Variants in HTT observed in about 807,000 individuals in gnomAD.
The protein encoded by HTT is huntingtin, also known as huntington disease protein.
Under a neutral mutation model 362.3 loss-of-function variants are expected in HTT, and 104 were observed. The ratio of observed to expected loss-of-function variants is 0.29; its 90% CI spans 0.24 to 0.34. The LOEUF (loss-of-function observed/expected upper bound fraction) is 0.34. HTT is among the 10% of genes least tolerant of loss of function. HTT has a pLI of 1.00. For missense variants in HTT, 3,301 were observed against 3,928.6 expected, an observed-to-expected ratio of 0.84 and a Z score of 4.27; for synonymous variants, 1,577 against 1,548.7, an observed-to-expected ratio of 1.02 and a Z score of -0.43.
intron 6 of HTT, among the ~76,000 whole-genome samples, chr4:3,108,440 C>T (rs546062697): frequency 6.6e-6 from 1 of 152,188 alleles, no homozygotes; most frequent in Admixed American, 6.5e-5. Context: ...ATTACCATCT[C>T]TTTGGAATGG....
At position 3,206,713 on chromosome 4, in the gene HTT, T is replaced by C. The variant is rs758470449; in HGVS notation, c.5898+38T>C. On this transcript the variant is annotated intron_variant, in intron 43 of 66. Transcript: ENST00000355072. This position sits in a 1 kb window ranked among gnomAD's most constrained non-coding sequence, Gnocchi z 4.6. Reference sequence around the variant, plus strand: ...CCTGCCGACTATTGCCAGTTGCAGTTTTCCCTGCCTTAAAAATGGAGTATT... The same window carrying C: ...CCTGCCGACTATTGCCAGTTGCAGTCTTCCCTGCCTTAAAAATGGAGTATT... The C allele has an allele frequency of 5.6e-6, 9 of 1,595,562 alleles. No homozygotes were observed.
intron 5 of HTT, among the ~76,000 whole-genome samples, chr4:3,106,463 G>A (rs143915334): frequency 6.6e-6 from 1 of 152,278 alleles, no homozygotes; most frequent in African/African-American, 2.4e-5. Flanking sequence ...AAAAAAATGT[G>A]TTATATTTCT....
intron 6 of HTT, among the ~76,000 whole-genome samples, chr4:3,111,606 C>T (rs758152003): frequency 6.6e-6 from 1 of 152,160 alleles, no homozygotes; most frequent in African/African-American, 2.4e-5. Flanking sequence ...TATCCTGCAA[C>T]CGGGGACTGG....
intron 59 of HTT, 116 bp from the exon 60 acceptor site, chr4:3,229,771 C>A: frequency 8.9e-7 from 1 of 1,123,612 alleles, no homozygotes; most frequent in African/African-American, 1.5e-5. Flanking sequence ...GCGTCCCGCA[C>A]AGTAATGTCT....
At chr4:3,175,900 G>A (rs140427757) in intron 33 of HTT, among the ~76,000 whole-genome samples, 1 of 152,190 alleles carries the variant, frequency 6.6e-6, no homozygotes, top group East Asian at 1.9e-4. Context: ...TGTTAATCCT[G>A]TCAGCACTGT....
Position 3,074,730 on chromosome 4 carries a change from C to T in HTT, c.-96C>T, listed in dbSNP as rs574494284. The T allele has an allele frequency of 9.5e-5, 126 of 1,326,504 alleles. No homozygotes were observed. The African/African-American group carries it at 1.6e-3, about 17-fold the overall frequency. The allele number at this position is 1,326,504 out of a possible 1,614,324, so 82.2% of individuals were successfully genotyped here. On this transcript the variant is annotated 5_prime_UTR_variant, in exon 1 of 67. Coordinates refer to ENST00000355072, the MANE Select transcript of HTT (RefSeq NM_001388492.1). ...ACGGCCGCTCAGGTTCTGCTTTTAC[C>T]TGCGGCCCAGAGCCCCATTCATTGC... is the stretch of plus-strand genomic sequence containing the variant.
intron 40 of HTT, among the ~76,000 whole-genome samples, chr4:3,197,745 G>A (rs116075654): frequency 1.1e-3 from 165 of 152,294 alleles, no homozygotes; most frequent in African/African-American, 3.6e-3. Flanking sequence ...GTAGAGCCAC[G>A]ATCTGAACCA....
intron 3 of HTT, among the ~76,000 whole-genome samples, chr4:3,103,572 T>G (rs756865936): frequency 1.3e-5 from 2 of 152,238 alleles, no homozygotes; most frequent in Non-Finnish European, 2.9e-5. Flanking sequence ...TTTGATGTTA[T>G]GTAGTATTTG....
intron 29 of HTT, among the ~76,000 whole-genome samples, chr4:3,166,528 G>T (rs1298434782): frequency 6.6e-6 from 1 of 152,246 alleles, no homozygotes; most frequent in Non-Finnish European, 1.5e-5. Context: ...CCCCAGAGGT[G>T]GAATCTAGAG....
At chr4:3,114,416 G>A (rs188303129) in intron 6 of HTT, among the ~76,000 whole-genome samples, 20 of 152,360 alleles carry the variant, frequency 1.3e-4, no homozygotes, top group African/African-American at 3.1e-4. Flanking sequence ...CAGAGGTCTC[G>A]TGTAAATTCC....
At position 3,238,584 on chromosome 4, in the gene HTT, A is replaced by T; in HGVS notation, c.9029A>T (p.Gln3010Leu). The change falls in exon 65 of 67, where the codon CAG becomes CTG. Residue 3010 changes from glutamine to leucine, a missense_variant. Gln to Leu is a moderately radical substitution (Grantham distance 113, BLOSUM62 -2). Around this residue, in one of 4 missense-constraint regions of HTT, gnomAD observed 753 missense variants for 1,021.3 expected, o/e 0.74. Transcript: ENST00000355072. ...CTGTCCAACCAGCAGCCATACCCCCAGTTCATGGCCACCGTGGTGTATAAG... is the reference window on the plus strand; with the variant it reads ...CTGTCCAACCAGCAGCCATACCCCCTGTTCATGGCCACCGTGGTGTATAAG... ...EFLSNQQPYPQFMATVVYKVF... is the reference protein window; with the variant it reads ...EFLSNQQPYPLFMATVVYKVF... 1 of 1,611,558 alleles carries T rather than the reference A, an allele frequency of 6.2e-7. No homozygotes were observed. The highest frequency in any genetic ancestry group is 8.5e-7 in the Non-Finnish European group (1 of 1,178,790).
chr4:3,225,966 A>G (rs1461668924), intron 57 of HTT, among the ~76,000 whole-genome samples: 1 of 152,166 alleles, frequency 6.6e-6, no homozygotes, highest in Non-Finnish European at 1.5e-5. Context: ...TGTATTCCAG[A>G]AAGTAGTTAA....
chr4:3,136,985 G>A (rs1044538643), intron 21 of HTT, among the ~76,000 whole-genome samples: 2 of 150,558 alleles, frequency 1.3e-5, no homozygotes, highest in Non-Finnish European at 2.9e-5. Context: ...TCGGCTCACT[G>A]CAACCTCTGT....
At chr4:3,201,702 A>G (rs946821529) in intron 41 of HTT, among the ~76,000 whole-genome samples, 11 of 152,164 alleles carry the variant, frequency 7.2e-5, no homozygotes, top group African/African-American at 1.9e-4. Context: ...ATAAATCCCC[A>G]TAAGTGTCCA....
intron 41 of HTT, among the ~76,000 whole-genome samples, chr4:3,202,747 C>T (rs567560194): frequency 1.1e-3 from 174 of 152,272 alleles, no homozygotes; most frequent in Non-Finnish European, 1.6e-3. Context: ...TGTGGTGGCT[C>T]ATGCCTGTAA....
At chr4:3,095,230 G>C (rs889589730) in intron 2 of HTT, among the ~76,000 whole-genome samples, 21 of 152,346 alleles carry the variant, frequency 1.4e-4, no homozygotes, top group African/African-American at 5.0e-4. Context: ...ACTCCAGCCT[G>C]GGCAACACTG....
intron 33 of HTT, among the ~76,000 whole-genome samples, chr4:3,176,028 TTTTTTTG>T (rs1718224661): frequency 1.4e-5 from 2 of 146,400 alleles, no homozygotes; most frequent in African/African-American, 5.4e-5. Flanking sequence ...GTTGTTTGTT[TTTTTTTG>T]TTTTTTTTTT....
intron 12 of HTT, chr4:3,129,462 A>T (rs1026374426): frequency 6.3e-6 from 1 of 158,540 alleles, no homozygotes; most frequent in Non-Finnish European, 1.4e-5. Context: ...ACATCTTGTG[A>T]TGTGGAATCA....
At chr4:3,077,093 G>T (rs932732084) in intron 1 of HTT, among the ~76,000 whole-genome samples, 1 of 151,996 alleles carries the variant, frequency 6.6e-6, no homozygotes, top group Admixed American at 6.6e-5. Flanking sequence ...CAGGAAAATC[G>T]CTTGAACCCG....
Sources: gnomAD v4.1 joint callset for allele counts (sites outside exome capture counted in the v4.1 genomes callset) on GRCh38, gnomAD v4.1.1 for gene constraint, gnomAD v4.1.1 regional missense constraint, Gnocchi (gnomAD v3.1) non-coding constraint, MANE v1.5 for transcripts, NCBI Gene and HGNC (gene_info 2026-07-23, HGNC 2026-07-21) for gene names.